PDC: variants seen among roughly 807,000 people sequenced by gnomAD.
PDC encodes 33 kDa phototransducing protein.
In PDC, 19 loss-of-function variants were observed where a neutral mutation model predicts 22.2. That is an observed-to-expected ratio of 0.86 (90% CI 0.60 to 1.26). The LOEUF is 1.26. PDC is among the 50% of genes most tolerant of loss of function. PDC has a pLI of 0.00. For synonymous variants in PDC, 97 were observed against 96.2 expected (o/e 1.01, Z -0.05); for missense variants, 274 against 286.8 (o/e 0.96, Z 0.32).
chr1:186,456,198 AT>A (rs1662468082), intron 1 of PDC, among the ~76,000 whole-genome samples: 1 of 151,720 alleles, frequency 6.6e-6, no homozygotes, highest in Non-Finnish European at 1.5e-5. Context: ...CAGATTTAGT[AT>A]ACAGCATATA....
intron 2 of PDC, among the ~76,000 whole-genome samples, chr1:186,447,445 G>A (rs547515442): frequency 8.9e-4 from 135 of 152,176 alleles, no homozygotes; most frequent in African/African-American, 3.2e-3. Flanking sequence ...CACTGTGCCC[G>A]GCCAGATTGG....
intron 2 of PDC, among the ~76,000 whole-genome samples, chr1:186,446,929 A>T (rs71634162): frequency 1.2e-3 from 178 of 152,158 alleles, no homozygotes; most frequent in Non-Finnish European, 2.2e-3. Context: ...ATTACCTAAG[A>T]AAAAAACTTC....
At chr1:186,457,536 C>T (rs1223154267) in intron 1 of PDC, among the ~76,000 whole-genome samples, 6 of 152,056 alleles carry the variant, frequency 3.9e-5, no homozygotes, top group Non-Finnish European at 5.9e-5. Flanking sequence ...TTTGATTTTC[C>T]CTTTTGCATT....
chr1:186,444,369 C>T lies in PDC; in HGVS notation c.351G>A (p.Leu117=). 1 of 1,614,040 alleles carries T rather than the reference C, an allele frequency of 6.2e-7. No homozygotes were observed. ...TTTCTAGGAATTGCTTTCCAGTTTC[C>T]AGCTCATACACAAACCCATATCTAG... ...FGPRYGFVYE[L]ETGKQFLETI... is the part of the protein sequence containing the mutation. The change falls in exon 4 of 4, where the codon CTG becomes CTA. Residue 117 remains leucine (L), a synonymous_variant. Coordinates refer to ENST00000391997, the MANE Select transcript of PDC (RefSeq NM_002597.5).
intron 1 of PDC, among the ~76,000 whole-genome samples, chr1:186,452,502 G>A (rs1662373793): frequency 6.6e-6 from 1 of 152,158 alleles, no homozygotes; most frequent in South Asian, 2.1e-4. Context: ...CCTCCCAAAA[G>A]TGCTGGGATT....
At chr1:186,458,517 G>C (rs920982794) in intron 1 of PDC, among the ~76,000 whole-genome samples, 17 of 150,464 alleles carry the variant, frequency 1.1e-4, no homozygotes, top group African/African-American at 4.2e-4. Flanking sequence ...CATTAGAGTC[G>C]CCTCAGAAGT....
chr1:186,444,024 T>G lies in PDC; in HGVS notation c.696A>C (p.Val232=). 1 of 1,612,480 alleles carries G rather than the reference T, an allele frequency of 6.2e-7. No homozygotes were observed. Among genetic ancestry groups the G allele is most frequent in the Non-Finnish European group, 8.5e-7 (1 of 1,178,476 alleles). The stretch of plus-strand genomic sequence containing the variant: ...CTATTTTGGTATGCTCTAGGACATG[T>G]ACCTCTCTTTCAGGTAGTAACCCAT... ...NEYGLLPERE[V]HVLEHTKIEE... The change falls in exon 4 of 4, where the codon GTA becomes GTC. Residue 232 remains valine (V), a synonymous_variant. Coordinates refer to ENST00000391997, the MANE Select transcript of PDC (RefSeq NM_002597.5).
At chr1:186,454,807 A>G (rs1358273881) in intron 1 of PDC, among the ~76,000 whole-genome samples, 5 of 152,248 alleles carry the variant, frequency 3.3e-5, no homozygotes, top group Non-Finnish European at 7.3e-5. Flanking sequence ...AATTAATCCT[A>G]TATTCCAAAC....
chr1:186,451,726 G>A (rs1389792118), intron 1 of PDC: 3 of 152,128 alleles, frequency 2.0e-5, no homozygotes, highest in Admixed American at 1.3e-4. Flanking sequence ...TCCAGAAAAG[G>A]TTTTCACCAA....
chr1:186,460,031 G>A (rs972678098), intron 1 of PDC, among the ~76,000 whole-genome samples: 2 of 151,178 alleles, frequency 1.3e-5, no homozygotes, highest in African/African-American at 4.9e-5. Flanking sequence ...AATTTCTAAA[G>A]TAACCTTTCA....
chr1:186,447,861 AG>A (rs1415377757), intron 2 of PDC, among the ~76,000 whole-genome samples: 2 of 152,008 alleles, frequency 1.3e-5, no homozygotes, highest in Admixed American at 6.6e-5. Flanking sequence ...TGTTTAAAAA[AG>A]AGAATCCATT....
At chr1:186,455,639 C>A (rs1036941680) in intron 1 of PDC, among the ~76,000 whole-genome samples, 19 of 151,588 alleles carry the variant, frequency 1.3e-4, no homozygotes, top group Non-Finnish European at 2.5e-4. Context: ...GACCCCCAAT[C>A]CTGGGATGCC....
At chr1:186,446,641 G>T in intron 2 of PDC, 64 bp from the exon 3 acceptor site, 1 of 977,320 alleles carries the variant, frequency 1.0e-6, no homozygotes, top group South Asian at 1.8e-5. Context: ...TGGCATAATT[G>T]AAATTTGTGT....
chr1:186,446,192 T>G (rs988096163), intron 3 of PDC, among the ~76,000 whole-genome samples: 3 of 152,252 alleles, frequency 2.0e-5, no homozygotes, highest in African/African-American at 7.2e-5. Context: ...TTTCTCATAT[T>G]GTGAAACTAT....
chr1:186,444,285 A>G lies in PDC; in HGVS notation c.435T>C (p.Ile145=). ...TACTGTTTAGAGCATCACAACCCTT[A>G]ATACCATCTTCATAAATGTGAACAA... ...TIVVHIYEDG[I]KGCDALNSSL... Residue 145 remains isoleucine (I), a synonymous_variant, in exon 4 of 4, where the codon ATT becomes ATC. Coordinates refer to ENST00000391997, the MANE Select transcript of PDC (RefSeq NM_002597.5). The G allele has an allele frequency of 6.2e-7, 1 of 1,613,864 alleles. No homozygotes were observed. The highest frequency in any genetic ancestry group is 1.3e-5 in the African/African-American group (1 of 75,046).
chr1:186,459,395 G>C (rs1374473853), intron 1 of PDC, among the ~76,000 whole-genome samples: 1 of 152,166 alleles, frequency 6.6e-6, no homozygotes, highest in Non-Finnish European at 1.5e-5. Flanking sequence ...CCCTAACCGC[G>C]AGTGATCCGC....
At chr1:186,456,912 C>G (rs1322827377) in intron 1 of PDC, among the ~76,000 whole-genome samples, 2 of 152,156 alleles carry the variant, frequency 1.3e-5, no homozygotes, top group East Asian at 3.9e-4. Flanking sequence ...ATGGCTAAAA[C>G]TAAGAAAAAC....
chr1:186,450,320 C>A (rs948114023), intron 1 of PDC, among the ~76,000 whole-genome samples: 3 of 151,888 alleles, frequency 2.0e-5, no homozygotes, highest in African/African-American at 4.8e-5. Context: ...AGTAGGTAAG[C>A]CTATAGTATT....
intron 2 of PDC, among the ~76,000 whole-genome samples, chr1:186,446,795 A>G (rs898029695): frequency 6.6e-6 from 1 of 152,206 alleles, no homozygotes; most frequent in African/African-American, 2.4e-5. Context: ...GATATTTCGG[A>G]AACATTTGTA....
Sources: gnomAD v4.1 joint callset for allele counts (sites outside exome capture counted in the v4.1 genomes callset) on GRCh38, gnomAD v4.1.1 for gene constraint, MANE v1.5 for transcripts, NCBI Gene and HGNC (gene_info 2026-07-23, HGNC 2026-07-21) for gene names.